KLHL3: variants seen among roughly 807,000 people sequenced by gnomAD.
KLHL3 encodes the protein kelch like family member 3, also known as kelch-like protein 3.
Under a neutral mutation model 70.5 loss-of-function variants are expected in KLHL3, and 19 were observed. The ratio of observed to expected loss-of-function variants is 0.27; its 90% CI spans 0.19 to 0.40. KLHL3 has a LOEUF of 0.40. Ranked by LOEUF, KLHL3 falls within the 10% of genes least tolerant of loss-of-function variation. The pLI, the probability that KLHL3 is intolerant of heterozygous loss-of-function variation, is 1.00. For synonymous variants in KLHL3, 258 were observed against 290.3 expected, an observed-to-expected ratio of 0.89 and a Z score of 1.13; for missense variants, 512 against 771.1, an observed-to-expected ratio of 0.66 and a Z score of 3.98.
At position 137,621,053 on chromosome 5, in the gene KLHL3, T is replaced by C. The variant is rs1750280809; in HGVS notation, c.*1045A>G. ...GGGTCTGGAGGAGGGTGACCTCTTA[T>C]TTATCCTCCAGACCAGAACACTTCT... On this transcript the variant is annotated 3_prime_UTR_variant, in exon 15 of 15. Transcript: ENST00000309755. 1 of 152,466 alleles carries C rather than the reference T, an allele frequency of 6.6e-6. No homozygotes were observed. Among genetic ancestry groups the C allele is most frequent in the African/African-American group, 2.4e-5 (1 of 41,444 alleles). 9.4% of individuals were successfully genotyped at this position (152,466 alleles called of 1,614,324 possible). A position where few individuals can be genotyped will look rare whatever the true frequency, so the allele number is the denominator to read the frequency against.
chr5:137,708,951 A>T (rs1044369659), intron 3 of KLHL3, among the ~76,000 whole-genome samples: 2 of 152,220 alleles, frequency 1.3e-5, no homozygotes, highest in Non-Finnish European at 2.9e-5. Flanking sequence ...CACCAAGCCC[A>T]GATGGCCTCC....
chr5:137,661,874 G>T, intron 7 of KLHL3, 41 bp downstream of exon 7: 1 of 1,110,096 alleles, frequency 9.0e-7, no homozygotes, highest in Non-Finnish European at 1.4e-6. Context: ...CTACAGGTCT[G>T]GGTGAACACA....
intron 12 of KLHL3, among the ~76,000 whole-genome samples, chr5:137,630,583 A>C (rs1442558829): frequency 6.6e-6 from 1 of 152,212 alleles, no homozygotes; most frequent in Non-Finnish European, 1.5e-5. Context: ...ATTTCTAGGG[A>C]GTACGAAGAC....
At chr5:137,650,146 A>G (rs1751164415) in intron 8 of KLHL3, among the ~76,000 whole-genome samples, 1 of 152,232 alleles carries the variant, frequency 6.6e-6, no homozygotes, top group African/African-American at 2.4e-5. Context: ...AAGAAGATGC[A>G]AAGTACAAAT....
At chr5:137,668,187 G>T (rs888998276) in intron 6 of KLHL3, among the ~76,000 whole-genome samples, 1 of 152,106 alleles carries the variant, frequency 6.6e-6, no homozygotes, top group Non-Finnish European at 1.5e-5. Flanking sequence ...CAAGGTGGGC[G>T]GATCACGAAG....
chr5:137,721,426 C>T (rs1247855224), intron 1 of KLHL3: 2 of 152,126 alleles, frequency 1.3e-5, no homozygotes, highest in African/African-American at 4.8e-5. Flanking sequence ...GGGTTTTAAA[C>T]AAAGTAGGAC....
At position 137,658,134 on chromosome 5, in the gene KLHL3, G is replaced by T. The variant is rs1326110650; in HGVS notation, c.900C>A (p.Pro300=). 2 of 1,612,178 alleles carry T rather than the reference G, an allele frequency of 1.2e-6. No individual in the cohort carries two copies. The highest frequency in any genetic ancestry group is 4.5e-5 in the East Asian group (2 of 44,876). The change falls in exon 8 of 15, where the codon CCC becomes CCA. Residue 300 remains proline (P), a synonymous_variant. Transcript: ENST00000309755. The part of the protein sequence containing the change: ...RTKPRTPVSL[P]KVMIVVGGQA... ...TGGTGATTGGGCTGGGGCTTACCTT[G>T]GGAAGGCTGACTGGAGTCCTGGGCT...
chr5:137,662,825 C>T (rs1751515501), intron 6 of KLHL3, among the ~76,000 whole-genome samples: 1 of 152,078 alleles, frequency 6.6e-6, no homozygotes, highest in Non-Finnish European at 1.5e-5. Flanking sequence ...CAATATCGAT[C>T]AAAATTTTAA....
In KLHL3 at chr5:137,657,034, T is replaced by C. The variant is rs544279440; in HGVS notation, c.903+1097A>G. 2.0e-5 allele frequency among the ~76,000 whole-genome samples: 3 copies of C among 152,356 alleles called. No individual in the cohort carries two copies. The East Asian group carries it at 5.8e-4, about 29-fold the overall frequency. On this transcript the variant is annotated intron_variant, in intron 8 of 14. Coordinates refer to ENST00000309755, the MANE Select transcript of KLHL3 (RefSeq NM_017415.3). ...TAAAGGTTAGCTGCTTGTATTATTA[T>C]CTGGGACACTGAGACATTTGTTCAC...
intron 11 of KLHL3, among the ~76,000 whole-genome samples, chr5:137,635,484 A>C (rs1275309715): frequency 1.3e-5 from 2 of 152,164 alleles, no homozygotes; most frequent in Admixed American, 6.5e-5. Flanking sequence ...GTCTTTTCCT[A>C]AATAGGTATT....
intron 12 of KLHL3, 110 bp from the exon 13 acceptor site, chr5:137,628,547 G>A: frequency 1.7e-6 from 2 of 1,197,642 alleles, no homozygotes; most frequent in East Asian, 2.4e-5. Flanking sequence ...GACTTGGGGA[G>A]TGCCATTTTG....
intron 4 of KLHL3, chr5:137,692,749 A>G: frequency 3.3e-6 from 1 of 301,270 alleles, no homozygotes; most frequent in South Asian, 4.4e-5. Context: ...GAGAGCCTGC[A>G]TTTCTAATAA....
intron 11 of KLHL3, among the ~76,000 whole-genome samples, chr5:137,636,346 A>G (rs917143582): frequency 2.6e-5 from 4 of 152,238 alleles, no homozygotes; most frequent in Non-Finnish European, 4.4e-5. Context: ...TACATGAGAG[A>G]TGGAATGTCT....
intron 3 of KLHL3, chr5:137,707,502 T>C (rs565209425): frequency 6.5e-6 from 1 of 153,206 alleles, no homozygotes; most frequent in South Asian, 2.0e-4. Flanking sequence ...TGTATATGTA[T>C]ACATTTATAA....
chr5:137,624,753 T>G (rs1023573315), intron 14 of KLHL3, among the ~76,000 whole-genome samples: 1 of 152,204 alleles, frequency 6.6e-6, no homozygotes, highest in African/African-American at 2.4e-5. Context: ...TAATGTTATC[T>G]CTATTCCAGG....
At chr5:137,628,067 G>T in intron 13 of KLHL3, 1 of 549,526 alleles carries the variant, frequency 1.8e-6, no homozygotes, top group Non-Finnish European at 3.3e-6. Flanking sequence ...ACCCTTCACT[G>T]CGGGGAAAGG....
At chr5:137,726,981 GCACCTTC>G (rs1331876019) in intron 1 of KLHL3, among the ~76,000 whole-genome samples, 1 of 151,994 alleles carries the variant, frequency 6.6e-6, no homozygotes, top group Non-Finnish European at 1.5e-5. Context: ...TTTTAGCACA[GCACCTTC>G]CAAAGCCTTC....
chr5:137,706,668 A>AG, intron 3 of KLHL3, among the ~76,000 whole-genome samples: 1 of 152,370 alleles, frequency 6.6e-6, no homozygotes, highest in Non-Finnish European at 1.5e-5. Context: ...TTTCCAACGA[A>AG]GGAAATGAAT....
rs769824762 is a variant in KLHL3 at position 137,639,815 on chromosome 5, G to A, written c.1021+45C>T. The A allele has an allele frequency of 5.5e-6, 8 of 1,443,694 alleles. No homozygotes were observed. Among genetic ancestry groups the A allele is most frequent in the South Asian group, 1.1e-5 (1 of 87,478 alleles). 89.4% of individuals were successfully genotyped at this position (1,443,694 alleles called of 1,614,324 possible). A position where few individuals can be genotyped will look rare whatever the true frequency, so the allele number is the denominator to read the frequency against. On this transcript the variant is annotated intron_variant, in intron 9 of 14. Transcript: ENST00000309755. This position sits in a 1 kb window ranked among gnomAD's most constrained non-coding sequence, Gnocchi z 5.0. ...CTCACGACTTCTGGCACGGAGTGGG[G>A]ACCAGCAGGGGAAAAACAGCTTGCA...
Sources: gnomAD v4.1 joint callset for allele counts (sites outside exome capture counted in the v4.1 genomes callset) on GRCh38, gnomAD v4.1.1 for gene constraint, Gnocchi (gnomAD v3.1) non-coding constraint, MANE v1.5 for transcripts, NCBI Gene and HGNC (gene_info 2026-07-23, HGNC 2026-07-21) for gene names.